Variants in PCGF5 observed in about 807,000 individuals in gnomAD.
PCGF5 encodes the protein polycomb group RING finger protein 5.
Under a neutral mutation model 44.3 loss-of-function variants are expected in PCGF5, and 9 were observed. The ratio of observed to expected loss-of-function variants is 0.20; its 90% CI spans 0.12 to 0.35. PCGF5 has a LOEUF of 0.35. Ranked by LOEUF, PCGF5 falls within the 10% of genes least tolerant of loss-of-function variation. The probability of loss-of-function intolerance (pLI) is 1.00; values close to 1 mark genes in which losing one functional copy is unlikely to be tolerated. For missense variants in PCGF5, 146 were observed against 305.3 expected (o/e 0.48, Z 3.89); for synonymous variants, 95 against 102.5 (o/e 0.93, Z 0.44).
At chr10:91,276,455 A>G (rs1057341988) in intron 9 of PCGF5, among the ~76,000 whole-genome samples, 3 of 152,212 alleles carry the variant, frequency 2.0e-5, no homozygotes, top group Admixed American at 2.0e-4. Flanking sequence ...GCCATATTTG[A>G]TTATTGTTAG....
chr10:91,225,300 CATAT>C (rs1238951286), intron 2 of PCGF5, among the ~76,000 whole-genome samples: 1 of 145,812 alleles, frequency 6.9e-6, no homozygotes, highest in African/African-American at 2.5e-5. Context: ...ATATATATAA[CATAT>C]ATATATAACA....
At chr10:91,227,151 A>G (rs1237991776) in intron 2 of PCGF5, among the ~76,000 whole-genome samples, 2 of 152,202 alleles carry the variant, frequency 1.3e-5, no homozygotes, top group South Asian at 4.1e-4. Context: ...GTAGAGTGGT[A>G]AATAAGATAA....
chr10:91,174,657 C>A (rs2133176507), intron 1 of PCGF5, among the ~76,000 whole-genome samples: 1 of 151,930 alleles, frequency 6.6e-6, no homozygotes, highest in South Asian at 2.1e-4. Flanking sequence ...TTTTTATGAT[C>A]AAAAAATAAA....
intron 1 of PCGF5, among the ~76,000 whole-genome samples, chr10:91,213,241 A>T (rs896740175): frequency 6.6e-6 from 1 of 152,184 alleles, no homozygotes; most frequent in Non-Finnish European, 1.5e-5. Flanking sequence ...TGTAAGAGAG[A>T]TGAATCAAAA....
At chr10:91,226,714 G>A (rs938608869) in intron 2 of PCGF5, among the ~76,000 whole-genome samples, 4 of 152,104 alleles carry the variant, frequency 2.6e-5, no homozygotes, top group African/African-American at 7.2e-5. Context: ...GGCCCAAAAG[G>A]TGAGCTCATC....
At chr10:91,188,559 CCTA>C (rs1843969401) in intron 1 of PCGF5, among the ~76,000 whole-genome samples, 1 of 152,068 alleles carries the variant, frequency 6.6e-6, no homozygotes, top group Non-Finnish European at 1.5e-5. Flanking sequence ...CCCTTATGTA[CCTA>C]CTATTTTATT....
At chr10:91,266,285 G>A (rs773635052) in intron 8 of PCGF5, among the ~76,000 whole-genome samples, 24 of 152,246 alleles carry the variant, frequency 1.6e-4, no homozygotes, top group East Asian at 7.7e-4. Context: ...TCCACTGCAC[G>A]ACCTCTACAA....
At chr10:91,252,004 T>C (rs550292860) in intron 6 of PCGF5, among the ~76,000 whole-genome samples, 2 of 152,044 alleles carry the variant, frequency 1.3e-5, no homozygotes, top group African/African-American at 4.8e-5. Flanking sequence ...CCTCTGCCTC[T>C]GCTAATTGAA....
chr10:91,210,024 C>T (rs1844419498), intron 1 of PCGF5, among the ~76,000 whole-genome samples: 1 of 152,180 alleles, frequency 6.6e-6, no homozygotes, highest in South Asian at 2.1e-4. Flanking sequence ...CCACTTCTGG[C>T]ATTTAGATGG....
At chr10:91,172,182 T>C (rs1476757798) in intron 1 of PCGF5, among the ~76,000 whole-genome samples, 1 of 152,124 alleles carries the variant, frequency 6.6e-6, no homozygotes, top group Admixed American at 6.6e-5. Context: ...CCCAGCACTT[T>C]GGGAGGAGGA....
intron 1 of PCGF5, among the ~76,000 whole-genome samples, chr10:91,168,820 AG>A (rs1206064588): frequency 1.3e-5 from 2 of 148,914 alleles, no homozygotes; most frequent in Admixed American, 1.4e-4. Flanking sequence ...CTCAGCTACT[AG>A]GGCTGCTGAG....
chr10:91,273,141 A>G (rs955624240), intron 9 of PCGF5, among the ~76,000 whole-genome samples: 5 of 152,200 alleles, frequency 3.3e-5, no homozygotes, highest in Admixed American at 3.3e-4. Context: ...AGTAAATTTA[A>G]CATCTCTGAA....
chr10:91,187,423 A>G (rs954747350), intron 1 of PCGF5, among the ~76,000 whole-genome samples: 5 of 152,140 alleles, frequency 3.3e-5, no homozygotes, highest in Non-Finnish European at 7.4e-5. Context: ...GATACAGTCC[A>G]TAGAGAAGGG....
At chr10:91,187,206 T>C (rs1038238219) in intron 1 of PCGF5, among the ~76,000 whole-genome samples, 1 of 152,162 alleles carries the variant, frequency 6.6e-6, no homozygotes, top group African/African-American at 2.4e-5. Context: ...CGGATTTAAT[T>C]GTTCTAGGAT....
chr10:91,259,210 G>T (rs1845832384), intron 6 of PCGF5, among the ~76,000 whole-genome samples: 1 of 152,128 alleles, frequency 6.6e-6, no homozygotes, highest in Non-Finnish European at 1.5e-5. Context: ...GCACAGAGAA[G>T]TTTGTTCTTC....
intron 1 of PCGF5, among the ~76,000 whole-genome samples, chr10:91,202,467 A>G (rs924772204): frequency 1.3e-5 from 2 of 152,222 alleles, no homozygotes; most frequent in African/African-American, 4.8e-5. Flanking sequence ...AGTAGTTAAC[A>G]GGATTGTTGT....
intron 1 of PCGF5, among the ~76,000 whole-genome samples, chr10:91,221,250 G>C (rs990999062): frequency 6.6e-6 from 1 of 152,156 alleles, no homozygotes. Context: ...TTGGTCACAG[G>C]GCTCTGTGCC....
chr10:91,261,464 TCTGA>T (rs745872444), intron 7 of PCGF5, 40 bp downstream of exon 7: 1 of 1,380,690 alleles, frequency 7.2e-7, no homozygotes, highest in Admixed American at 2.6e-5. Context: ...TTTTGATAAT[TCTGA>T]TTTGAAGTAA....
rs564641853 is a variant in PCGF5, at chr10:91,192,225, A to G, written c.-184+29144A>G. 2.0e-5 allele frequency among the ~76,000 whole-genome samples: 3 copies of G among 152,320 alleles called. 1 individual carries two copies. The South Asian group carries it at 6.2e-4, about 32-fold the overall frequency. ...CCAGAGGCATTTGTGGAATTTTTTT[A>G]AAAAAGCATTTATGACTATTTTAGT... is the stretch of plus-strand genomic sequence containing the variant. On this transcript the variant is annotated intron_variant, in intron 1 of 9. Coordinates refer to the PCGF5 transcript ENST00000614189.
Sources: gnomAD v4.1 joint callset for allele counts (sites outside exome capture counted in the v4.1 genomes callset) on GRCh38, gnomAD v4.1.1 for gene constraint, MANE v1.5 for transcripts, NCBI Gene and HGNC (gene_info 2026-07-23, HGNC 2026-07-21) for gene names.